Variants in PCDHGA4 observed in about 807,000 individuals in gnomAD.
PCDHGA4 encodes the protein protocadherin gamma subfamily A, 4.
Under a neutral mutation model 54.6 loss-of-function variants are expected in PCDHGA4, and 38 were observed. The observed-to-expected ratio is 0.70, with a 90% CI of 0.54 to 0.91. The LOEUF is 0.91. Among genes scored for constraint, PCDHGA4 ranks in the 40% least tolerant of loss-of-function variants. The pLI, the probability that PCDHGA4 is intolerant of heterozygous loss-of-function variation, is 0.00. For synonymous variants in PCDHGA4, 511 were observed against 512.9 expected, an observed-to-expected ratio of 1.00 and a Z score of 0.05; for missense variants, 1,298 against 1,220.9, an observed-to-expected ratio of 1.06 and a Z score of -0.94.
chr5:141,371,551 TA>T, intron 1 of PCDHGA4: 1 of 1,613,822 alleles, frequency 6.2e-7, no homozygotes, highest in Non-Finnish European at 8.5e-7. Flanking sequence ...CTATGCCAAC[TA>T]AAAGGAAACT....
chr5:141,497,824 T>G (rs1164705269), intron 2 of PCDHGA4, among the ~76,000 whole-genome samples: 1 of 152,086 alleles, frequency 6.6e-6, no homozygotes, highest in African/African-American at 2.4e-5. Flanking sequence ...ACAGGTGTGA[T>G]CGCCCCCGGC....
chr5:141,362,901 G>C (rs1323871801), intron 1 of PCDHGA4, among the ~76,000 whole-genome samples: 2 of 152,148 alleles, frequency 1.3e-5, no homozygotes, highest in Non-Finnish European at 2.9e-5. Flanking sequence ...CTTCCTCTTA[G>C]AATCATAATA....
rs553662641 is a variant in PCDHGA4, at chr5:141,356,817, C to T, written c.1710C>T (p.Asp570=). 2 of 1,613,926 alleles carry T rather than the reference C, an allele frequency of 1.2e-6. No individual in the cohort carries two copies. The highest frequency in any genetic ancestry group is 3.3e-5 in the Admixed American group (2 of 60,024). ...TGATGACAGCCAGTGACAGTGGAGA[C>T]CCTCCACTCAGCAGCAATGTGTCAC... The part of the protein sequence containing the change: ...QLLMTASDSG[D]PPLSSNVSLS... Residue 570 remains aspartate (D), a synonymous_variant, in exon 1 of 4, where the codon GAC becomes GAT. Transcript: ENST00000571252.
chr5:141,370,887 A>G, intron 1 of PCDHGA4: 1 of 1,614,024 alleles, frequency 6.2e-7, no homozygotes, highest in South Asian at 1.1e-5. Context: ...TGTAGGTGTC[A>G]ATTCGCTGCA....
rs1213653891 is a variant in PCDHGA4 at position 141,419,687 on chromosome 5, C to T, written c.2514+62066C>T. 1.9e-6 allele frequency: 3 copies of T among 1,612,692 alleles called. No individual in the cohort carries two copies. In the African/African-American group the frequency reaches 4.0e-5, roughly 22 times the overall value. On this transcript the variant is annotated intron_variant, in intron 1 of 3. Transcript: ENST00000571252. ...TGCCTGGCTGTCCTACCACGTGGTG[C>T]AGGCCAGTGAGCCCGGGCTCTTCAG...
intron 1 of PCDHGA4, chr5:141,414,969 G>A (rs764972439): frequency 7.4e-6 from 12 of 1,613,954 alleles, no homozygotes; most frequent in South Asian, 1.1e-5. Context: ...TGGTGGCGGT[G>A]GACAGAGACT....
chr5:141,372,168 G>T, intron 1 of PCDHGA4: 1 of 1,613,754 alleles, frequency 6.2e-7, no homozygotes. Flanking sequence ...GACCAAGGTG[G>T]TGGCGGTGGA....
intron 1 of PCDHGA4, chr5:141,419,027 G>A (rs1415215066): frequency 6.2e-7 from 1 of 1,613,870 alleles, no homozygotes; most frequent in Admixed American, 1.7e-5. Flanking sequence ...AAGTAGAGGT[G>A]TTCCATTTAA....
At position 141,431,578 on chromosome 5, in the gene PCDHGA4, C is replaced by T. The variant is rs756332070; in HGVS notation, c.2515-63229C>T. 6.2e-7 allele frequency: 1 copy of T among 1,614,164 alleles called. No homozygotes were observed. On this transcript the variant is annotated intron_variant, in intron 1 of 3. Coordinates refer to ENST00000571252, the MANE Select transcript of PCDHGA4 (RefSeq NM_018917.4). This position sits in a 1 kb window ranked among gnomAD's most constrained non-coding sequence, Gnocchi z 4.8. ...ACGCTACCGACCCTGACGAAGGAGT[C>T]AATGCGGAAGTGAGGTATTCCTTCC...
intron 1 of PCDHGA4, chr5:141,417,070 G>A (rs1324168481): frequency 6.6e-6 from 1 of 151,864 alleles, no homozygotes; most frequent in Non-Finnish European, 1.5e-5. Flanking sequence ...TGTAGCTATT[G>A]TGAGAAAATA....
At position 141,490,960 on chromosome 5, in the gene PCDHGA4, T is replaced by G. The variant is rs1384140919; in HGVS notation, c.2515-3847T>G. 1.9e-6 allele frequency: 3 copies of G among 1,613,794 alleles called. No individual in the cohort carries two copies. In the Admixed American group the frequency reaches 5.0e-5, roughly 27 times the overall value. On this transcript the variant is annotated intron_variant, in intron 1 of 3. Transcript: ENST00000571252. The surrounding 1 kb of genome is among the most constrained non-coding windows in gnomAD (Gnocchi z 5.4). ...GCACCCACGGCCAGACTGGGAACAC[T>G]CAGCCCCCCAGCGTCTCCCTCGCTC...
intron 2 of PCDHGA4, among the ~76,000 whole-genome samples, chr5:141,504,351 G>C (rs77439649): frequency 0.021 from 3,233 of 152,120 alleles, 109 homozygotes; most frequent in African/African-American, 0.075. Context: ...CTTTGTGCTA[G>C]GTGCTTCAGT....
At chr5:141,362,379 GC>G (rs776053945) in intron 1 of PCDHGA4, 10 of 1,613,886 alleles carry the variant, frequency 6.2e-6, no homozygotes, top group Non-Finnish European at 2.5e-6. Context: ...AGGGTACATT[GC>G]CCTATTCCTA....
chr5:141,487,512 C>T lies in PCDHGA4; in HGVS notation c.2515-7295C>T, dbSNP rs372606253. The stretch of plus-strand genomic sequence containing the variant: ...TGTACACCCTTGGCTTCTGCACCCA[C>T]TCGGAGTGATAGCTTCATGATGGTG... On this transcript the variant is annotated intron_variant, in intron 1 of 3. Transcript: ENST00000571252. This position sits in a 1 kb window ranked among gnomAD's most constrained non-coding sequence, Gnocchi z 5.0. 3.7e-6 allele frequency: 6 copies of T among 1,614,082 alleles called. No homozygotes were observed. The highest frequency in any genetic ancestry group is 5.1e-6 in the Non-Finnish European group (6 of 1,180,044).
intron 1 of PCDHGA4, chr5:141,410,657 G>A: frequency 1.9e-6 from 3 of 1,579,248 alleles, no homozygotes; most frequent in Non-Finnish European, 2.6e-6. Flanking sequence ...TTATCTAATA[G>A]TCTACTAGTT....
chr5:141,395,403 A>C (rs1383871945), intron 1 of PCDHGA4: 7 of 849,376 alleles, frequency 8.2e-6, no homozygotes, highest in Non-Finnish European at 1.2e-5. Context: ...TCTAATAGTC[A>C]TAGGTTATTG....
At chr5:141,370,656 G>A (rs768093721) in intron 1 of PCDHGA4, 1 of 1,613,852 alleles carries the variant, frequency 6.2e-7, no homozygotes, top group Non-Finnish European at 8.5e-7. Context: ...ACTTGTGAGC[G>A]ACCGTATAGA....
intron 1 of PCDHGA4, chr5:141,398,187 C>G (rs1329117309): frequency 5.8e-5 from 86 of 1,481,250 alleles, no homozygotes; most frequent in Non-Finnish European, 7.6e-5. Context: ...TCTTTCTCTT[C>G]CTGCTGTCTT....
chr5:141,468,801 A>G (rs949203275), intron 1 of PCDHGA4, among the ~76,000 whole-genome samples: 15 of 151,736 alleles, frequency 9.9e-5, no homozygotes, highest in South Asian at 2.1e-4. Context: ...GGGAGGCGGA[A>G]CTTGCAGTGA....
Sources: gnomAD v4.1 joint callset for allele counts (sites outside exome capture counted in the v4.1 genomes callset) on GRCh38, gnomAD v4.1.1 for gene constraint, Gnocchi (gnomAD v3.1) non-coding constraint, MANE v1.5 for transcripts, NCBI Gene and HGNC (gene_info 2026-07-23, HGNC 2026-07-21) for gene names.